The following PTPN6 variants were observed in gnomAD, a reference collection of about 807,000 sequenced individuals.
PTPN6 encodes protein tyrosine phosphatase non-receptor type 6.
PTPN6 carries 18 observed loss-of-function variants against 81.5 expected under a neutral mutation model. That is an observed-to-expected ratio of 0.22 (90% confidence interval 0.15 to 0.33). The LOEUF is 0.33. Ranked by LOEUF, PTPN6 falls within the 10% of genes least tolerant of loss-of-function variation. The probability of loss-of-function intolerance (pLI) is 1.00; values close to 1 mark genes in which losing one functional copy is unlikely to be tolerated. For missense variants in PTPN6, 500 were observed against 794.2 expected (o/e 0.63, Z 4.45); for synonymous variants, 301 against 310.9 (o/e 0.97, Z 0.33).
upstream of PTPN6, among the ~76,000 whole-genome samples, chr12:6,948,554 AAAAG>A (rs1255876842): frequency 6.6e-6 from 1 of 151,632 alleles, no homozygotes; most frequent in African/African-American, 2.4e-5. Context: ...GGAAAGAAAG[AAAAG>A]AAAGGAAAGA....
rs782431804 is a variant in PTPN6, at chr12:6,951,748, C to A, written c.131+17C>A. ...CTCCGTCAGGTAGGTGGGCCCCCCG[C>A]AACCCCGGGCATTTTGGCCACTCTC... On this transcript the variant is annotated intron_variant, in intron 2 of 15. Transcript: ENST00000318974. This position sits in a 1 kb window ranked among gnomAD's most constrained non-coding sequence, Gnocchi z 7.2. 2.2e-5 allele frequency: 35 copies of A among 1,609,602 alleles called. 1 individual carries two copies. The South Asian group carries it at 3.7e-4, about 17-fold the overall frequency.
rs2138271913 is a variant in PTPN6 at position 6,956,120 on chromosome 12, C to T, written c.845-22C>T. ...TCCCTGGCTAACCCAGACCATCTCG[C>T]CTCCTCTCCGCCCACTCCCAGTTGA... On this transcript the variant is annotated intron_variant, in intron 7 of 15. Transcript: ENST00000318974. The surrounding 1 kb of genome is among the most constrained non-coding windows in gnomAD (Gnocchi z 4.1). The T allele has an allele frequency of 1.2e-6, 2 of 1,613,568 alleles. No individual in the cohort carries two copies. Among genetic ancestry groups the T allele is most frequent in the South Asian group, 1.1e-5 (1 of 91,070 alleles).
chr12:6,960,525 C>A lies in PTPN6; in HGVS notation c.1673+90C>A. The A allele has an allele frequency of 2.1e-6, 3 of 1,460,742 alleles. No individual in the cohort carries two copies. Among genetic ancestry groups the A allele is most frequent in the Non-Finnish European group, 2.8e-6 (3 of 1,062,904 alleles). The allele number at this position is 1,460,742 out of a possible 1,614,324, so 90.5% of individuals were successfully genotyped here. ...TTTCTGGAGAGGACAAGTGTTGCAG[C>A]TGGGGGGACCTGGCTTCAAGTTCAG... On this transcript the variant is annotated intron_variant, in intron 14 of 15. Transcript: ENST00000318974. The surrounding 1 kb of genome is among the most constrained non-coding windows in gnomAD (Gnocchi z 6.1).
upstream of PTPN6, among the ~76,000 whole-genome samples, chr12:6,949,313 G>A (rs1332552437): frequency 6.6e-6 from 1 of 152,200 alleles, no homozygotes; most frequent in African/African-American, 2.4e-5. Flanking sequence ...TGTGGACTCT[G>A]TGCGTGCCAC....
At chr12:6,949,818 ATT>A (rs1180995851), upstream of PTPN6, among the ~76,000 whole-genome samples, 4 of 137,430 alleles carry the variant, frequency 2.9e-5, no homozygotes, top group African/African-American at 5.4e-5. Flanking sequence ...ATGGTTTTTA[ATT>A]TTTTTTTTTT....
Position 6,960,536 on chromosome 12 carries a change from T to C in PTPN6, c.1673+101T>C. ...GACAAGTGTTGCAGCTGGGGGGACC[T>C]GGCTTCAAGTTCAGGCTTGGTTCTC... On this transcript the variant is annotated intron_variant, in intron 14 of 15. Coordinates refer to ENST00000318974, the MANE Select transcript of PTPN6 (RefSeq NM_002831.6). This position sits in a 1 kb window ranked among gnomAD's most constrained non-coding sequence, Gnocchi z 6.1. 1 of 1,448,632 alleles carries C rather than the reference T, an allele frequency of 6.9e-7. No individual in the cohort carries two copies. Among genetic ancestry groups the C allele is most frequent in the Non-Finnish European group, 9.5e-7 (1 of 1,053,376 alleles). The allele number at this position is 1,448,632 out of a possible 1,614,324, so 89.7% of individuals were successfully genotyped here. A position where few individuals can be genotyped will look rare whatever the true frequency, so the allele number is the denominator to read the frequency against.
At chr12:6,947,051 C>T (rs1391516977), upstream of PTPN6, among the ~76,000 whole-genome samples, 3 of 152,202 alleles carry the variant, frequency 2.0e-5, no homozygotes, top group Non-Finnish European at 4.4e-5. Flanking sequence ...GGGTAGCTCA[C>T]AACACCTCAA....
chr12:6,955,630 C>A lies in PTPN6; in HGVS notation c.748-30C>A, dbSNP rs994508716. On this transcript the variant is annotated intron_variant, in intron 6 of 15. Coordinates refer to ENST00000318974, the MANE Select transcript of PTPN6 (RefSeq NM_002831.6). The surrounding 1 kb of genome is among the most constrained non-coding windows in gnomAD (Gnocchi z 7.2). ...CCCCGATGGATGCCCTCTTTGGGAGCTGATGCTCATTTCCCCACCCACATC... is the reference window on the plus strand; with the variant it reads ...CCCCGATGGATGCCCTCTTTGGGAGATGATGCTCATTTCCCCACCCACATC... 1.2e-6 allele frequency: 2 copies of A among 1,604,004 alleles called. No individual in the cohort carries two copies. The highest frequency in any genetic ancestry group is 3.3e-5 in the Admixed American group (2 of 59,978).
intron 15 of PTPN6, 89 bp from the exon 16 acceptor site, chr12:6,961,037 A>G: frequency 6.5e-7 from 1 of 1,527,704 alleles, no homozygotes; most frequent in South Asian, 1.2e-5. Flanking sequence ...CCGCAGCCTC[A>G]TTCTGTGCTT....
At position 6,955,028 on chromosome 12, in the gene PTPN6, G is replaced by A. The variant is rs1591686959; in HGVS notation, c.516+34G>A. 1.9e-6 allele frequency: 3 copies of A among 1,612,908 alleles called. No homozygotes were observed. Among genetic ancestry groups the A allele is most frequent in the Non-Finnish European group, 2.5e-6 (3 of 1,179,068 alleles). On this transcript the variant is annotated intron_variant, in intron 4 of 15. Transcript: ENST00000318974. This position sits in a 1 kb window ranked among gnomAD's most constrained non-coding sequence, Gnocchi z 7.2. Reference sequence around the variant, plus strand: ...GCCAGGCGGCGGGGGAGCCTCTGCTGAGGCTCCTGTCTGTGACCACAGTGT... The same window carrying A: ...GCCAGGCGGCGGGGGAGCCTCTGCTAAGGCTCCTGTCTGTGACCACAGTGT...
rs782453243 is a variant in PTPN6, at chr12:6,951,895, T to G, written c.132-88T>G. 42 of 1,405,200 alleles carry G rather than the reference T, an allele frequency of 3.0e-5. No individual in the cohort carries two copies. In the South Asian group the frequency reaches 4.7e-4, roughly 16 times the overall value. The allele number at this position is 1,405,200 out of a possible 1,614,324, so 87.0% of individuals were successfully genotyped here. A position where few individuals can be genotyped will look rare whatever the true frequency, so the allele number is the denominator to read the frequency against. On this transcript the variant is annotated intron_variant, in intron 2 of 15. Coordinates refer to ENST00000318974, the MANE Select transcript of PTPN6 (RefSeq NM_002831.6). This position sits in a 1 kb window ranked among gnomAD's most constrained non-coding sequence, Gnocchi z 7.2. ...CCCTGTCTGTGCCCACCCATGCCCA[T>G]GTGTGCCCCCACCCAGGACCTCAGC...
chr12:6,947,124 C>G (rs375045942), upstream of PTPN6, among the ~76,000 whole-genome samples: 1 of 152,206 alleles, frequency 6.6e-6, no homozygotes, highest in Admixed American at 6.5e-5. Context: ...TCCGCACTTC[C>G]CAACATCAGA....
At position 6,952,444 on chromosome 12, in the gene PTPN6, C is replaced by T; in HGVS notation, c.326+267C>T. Reference sequence around the variant, plus strand: ...CTCCGGGAGCCCTGGCCGCTGCAACCCAGGTCCCACTGGAGACAGGGAGGC... The same window carrying T: ...CTCCGGGAGCCCTGGCCGCTGCAACTCAGGTCCCACTGGAGACAGGGAGGC... On this transcript the variant is annotated intron_variant, in intron 3 of 15. Coordinates refer to ENST00000318974, the MANE Select transcript of PTPN6 (RefSeq NM_002831.6). This position sits in a 1 kb window ranked among gnomAD's most constrained non-coding sequence, Gnocchi z 8.1. 2 of 547,196 alleles carry T rather than the reference C, an allele frequency of 3.7e-6. No homozygotes were observed. The highest frequency in any genetic ancestry group is 3.3e-6 in the Non-Finnish European group (1 of 303,112). The allele number at this position is 547,196 out of a possible 1,614,324, so 33.9% of individuals were successfully genotyped here. A position where few individuals can be genotyped will look rare whatever the true frequency, so the allele number is the denominator to read the frequency against.
In PTPN6 at chr12:6,960,755, C is replaced by G; in HGVS notation, c.1674-51C>G. 1 of 1,551,874 alleles carries G rather than the reference C, an allele frequency of 6.4e-7. No individual in the cohort carries two copies. On this transcript the variant is annotated intron_variant, in intron 14 of 15. Transcript: ENST00000318974. The surrounding 1 kb of genome is among the most constrained non-coding windows in gnomAD (Gnocchi z 6.1). ...CCAGTGCCGGGTCCCCCTGTGCTGTCTCCTGACCTGCACCAACTGCCTGTA... is the reference window on the plus strand; with the variant it reads ...CCAGTGCCGGGTCCCCCTGTGCTGTGTCCTGACCTGCACCAACTGCCTGTA...
intron 3 of PTPN6, chr12:6,953,208 CCTCT>C (rs1248459677): frequency 3.3e-5 from 5 of 152,320 alleles, no homozygotes; most frequent in Non-Finnish European, 7.3e-5. Context: ...CAAGGCCTTC[CCTCT>C]CTCTGTGAGC....
Position 6,960,264 on chromosome 12 carries a change from G to C in PTPN6, c.1581+25G>C, listed in dbSNP as rs370871743. The C allele has an allele frequency of 1.0e-4, 155 of 1,542,102 alleles. No homozygotes were observed. Among genetic ancestry groups the C allele is most frequent in the African/African-American group, 4.3e-4 (30 of 69,956 alleles). The stretch of plus-strand genomic sequence containing the variant: ...GGTGCGTGCAGAGCAGGGCCTGGGG[G>C]GGGGGGGGGCTGCAGTGCAGGATGG... On this transcript the variant is annotated intron_variant, in intron 13 of 15. Coordinates refer to ENST00000318974, the MANE Select transcript of PTPN6 (RefSeq NM_002831.6). This position sits in a 1 kb window ranked among gnomAD's most constrained non-coding sequence, Gnocchi z 6.1.
upstream of PTPN6, among the ~76,000 whole-genome samples, chr12:6,947,035 C>T (rs782485555): frequency 2.0e-5 from 3 of 152,198 alleles, no homozygotes; most frequent in African/African-American, 7.2e-5. Context: ...TAGGACCTGT[C>T]CCCCTGGGTA....
Position 6,958,159 on chromosome 12 carries a change from G to C in PTPN6, c.1361+86G>C, listed in dbSNP as rs1342643181. On this transcript the variant is annotated intron_variant, in intron 11 of 15. Transcript: ENST00000318974. ...ATGAGCTGTTATAAGCAATATAAAC[G>C]TTAGCTCGCACATTGAGTGCCCTCC... is the stretch of plus-strand genomic sequence containing the variant. 5 of 1,549,710 alleles carry C rather than the reference G, an allele frequency of 3.2e-6. No homozygotes were observed. The Admixed American group carries it at 8.7e-5, about 27-fold the overall frequency.
chr12:6,952,119 G>A lies in PTPN6; in HGVS notation c.268G>A (p.Asp90Asn), dbSNP rs782302155. 69 of 1,614,128 alleles carry A rather than the reference G, an allele frequency of 4.3e-5. No individual in the cohort carries two copies. The highest frequency in any genetic ancestry group is 5.3e-5 in the Non-Finnish European group (63 of 1,180,018). Residue 90 changes from aspartate to asparagine, a missense_variant, in exon 3 of 16, where the codon GAC becomes AAC. Physicochemically the swap from Asp to Asn is conservative, Grantham distance 23. Coordinates refer to ENST00000318974, the MANE Select transcript of PTPN6 (RefSeq NM_002831.6). This position sits in a 1 kb window ranked among gnomAD's most constrained non-coding sequence, Gnocchi z 8.1. The part of the protein sequence containing the change: ...TQQQGVLQDR[D>N]GTIIHLKYPL... ...GCAGCAGGGTGTCCTGCAGGACCGC[G>A]ACGGCACCATCATCCACCTCAAGTA...
Sources: gnomAD v4.1 joint callset for allele counts (sites outside exome capture counted in the v4.1 genomes callset) on GRCh38, gnomAD v4.1.1 for gene constraint, Gnocchi (gnomAD v3.1) non-coding constraint, MANE v1.5 for transcripts, NCBI Gene and HGNC (gene_info 2026-07-23, HGNC 2026-07-21) for gene names.